Variants in DENND1C observed in about 807,000 individuals in gnomAD.
The protein encoded by DENND1C is DENN domain-containing protein 1C.
In DENND1C, 64 loss-of-function variants were observed where a neutral mutation model predicts 87.9. The ratio of observed to expected loss-of-function variants is 0.73; its 90% confidence interval spans 0.60 to 0.90. The LOEUF (loss-of-function observed/expected upper bound fraction) is 0.90, where lower values mean the gene tolerates loss of function less well. Ranked by LOEUF, DENND1C falls within the 40% of genes least tolerant of loss-of-function variation. The pLI is 0.00. For synonymous variants in DENND1C, 384 were observed against 424.4 expected (o/e 0.90, Z 1.17); for missense variants, 980 against 1,037.0 (o/e 0.95, Z 0.76).
At chr19:6,476,174 C>G (rs965203886) in intron 10 of DENND1C, 1 of 516,376 alleles carries the variant, frequency 1.9e-6, no homozygotes, top group East Asian at 3.4e-5. Context: ...CTGTAAGGGG[C>G]GCAGTTAATA....
chr19:6,475,674 C>A (rs184284563), intron 12 of DENND1C, 32 bp downstream of exon 12: 1 of 1,606,852 alleles, frequency 6.2e-7, no homozygotes, highest in African/African-American at 1.3e-5. Context: ...GGAACCCTCA[C>A]GTCCCCGTCG....
At chr19:6,474,622 G>A (rs907031130) in intron 14 of DENND1C, among the ~76,000 whole-genome samples, 1 of 152,106 alleles carries the variant, frequency 6.6e-6, no homozygotes, top group African/African-American at 2.4e-5. Context: ...TGTCAGGTAC[G>A]ATTCAAAGTG....
chr19:6,476,629 G>A (rs1030869042), intron 10 of DENND1C: 2 of 538,790 alleles, frequency 3.7e-6, no homozygotes, highest in Admixed American at 7.1e-5. Context: ...GCCCATAGTG[G>A]GTGGAGCCTG....
intron 14 of DENND1C, among the ~76,000 whole-genome samples, chr19:6,473,816 G>GGGGGGGGGGGGGGGGGGGGGGGA (rs1231177042): frequency 1.5e-5 from 2 of 131,578 alleles, no homozygotes; most frequent in Non-Finnish European, 3.2e-5. Flanking sequence ...GGGGGGTGGG[G>GGGGGGGGGGGGGGGGGGGGGGGA]GGAGGGAAAT....
Position 6,475,356 on chromosome 19 carries a change from G to A in DENND1C, c.971C>T (p.Pro324Leu). 1 of 1,612,560 alleles carries A rather than the reference G, an allele frequency of 6.2e-7. No homozygotes were observed. The highest frequency in any genetic ancestry group is 8.5e-7 in the Non-Finnish European group (1 of 1,179,264). Residue 324 changes from proline (P) to leucine (L), a missense_variant, in exon 14 of 23, where the codon CCC becomes CTC. Physicochemically the swap from Pro to Leu is moderately conservative, Grantham distance 98. Coordinates refer to ENST00000381480, the MANE Select transcript of DENND1C (RefSeq NM_024898.4). ...RLRLRKVALA[P>L]GEGVSRLFLK... Reference sequence around the variant, plus strand: ...GAAGAGACGGGACACCCCTTCCCCGGGGGCCAGGGCGACCTTCCTGAGCCG... The same window carrying A: ...GAAGAGACGGGACACCCCTTCCCCGAGGGCCAGGGCGACCTTCCTGAGCCG...
At chr19:6,480,408 A>G (rs1400023359) in intron 1 of DENND1C, 1 of 1,151,546 alleles carries the variant, frequency 8.7e-7, no homozygotes, top group Non-Finnish European at 1.1e-6. Flanking sequence ...GAGACTGCAC[A>G]GATATGAAGG....
intron 3 of DENND1C, 28 bp downstream of exon 3, chr19:6,479,831 T>A (rs2092887664): frequency 1.2e-6 from 2 of 1,613,044 alleles, no homozygotes; most frequent in Non-Finnish European, 8.5e-7. Flanking sequence ...GCCCTCGCCC[T>A]GGGGGAGCAA....
rs2092818587 is a variant in DENND1C, at chr19:6,470,010, G to A, written c.1362+285C>T. The A allele has an allele frequency of 1.3e-5, 5 of 397,972 alleles. No homozygotes were observed. The South Asian group carries it at 1.7e-4, about 14-fold the overall frequency. The allele number at this position is 397,972 out of a possible 1,614,324, so 24.7% of individuals were successfully genotyped here. ...AGAACCTGGAATTGTAGCATCCAAGGACAAAAAGAATGTTTGCCAGCAAAT... is the reference window on the plus strand; with the variant it reads ...AGAACCTGGAATTGTAGCATCCAAGAACAAAAAGAATGTTTGCCAGCAAAT... On this transcript the variant is annotated intron_variant, in intron 18 of 22. Coordinates refer to ENST00000381480, the MANE Select transcript of DENND1C (RefSeq NM_024898.4).
intron 5 of DENND1C, 21 bp from the exon 6 acceptor site, chr19:6,478,873 T>G (rs1220808718): frequency 6.2e-7 from 1 of 1,613,738 alleles, no homozygotes; most frequent in Non-Finnish European, 8.5e-7. Context: ...AGGAGACAGG[T>G]TCCACGAAGT....
chr19:6,481,062 C>T (rs922486732), intron 1 of DENND1C, among the ~76,000 whole-genome samples: 8 of 151,820 alleles, frequency 5.3e-5, no homozygotes, highest in Non-Finnish European at 1.0e-4. Flanking sequence ...ATAGAACCCT[C>T]GTGGCTGGTC....
chr19:6,471,563 G>A lies in DENND1C; in HGVS notation c.1159-67C>T, dbSNP rs1421027552. 3 of 1,404,076 alleles carry A rather than the reference G, an allele frequency of 2.1e-6. No individual in the cohort carries two copies. In the African/African-American group the frequency reaches 4.3e-5, roughly 20 times the overall value. The allele number at this position is 1,404,076 out of a possible 1,614,324, so 87.0% of individuals were successfully genotyped here. A position where few individuals can be genotyped will look rare whatever the true frequency, so the allele number is the denominator to read the frequency against. On this transcript the variant is annotated intron_variant, in intron 15 of 22. Transcript: ENST00000381480. ...TCTGAATGCCAGCACTTCGAAGCCT[G>A]CCTGCTGTCAAGATGTAGAAGCCAT... is the stretch of plus-strand genomic sequence containing the variant.
chr19:6,467,341 C>CT lies in DENND1C; in HGVS notation c.*162dup. The CT allele has an allele frequency of 3.2e-6, 3 of 941,826 alleles. No individual in the cohort carries two copies. Among genetic ancestry groups the CT allele is most frequent in the Non-Finnish European group, 4.4e-6 (3 of 684,154 alleles). The allele number at this position is 941,826 out of a possible 1,614,324, so 58.3% of individuals were successfully genotyped here. On this transcript the variant is annotated 3_prime_UTR_variant, in exon 23 of 23. Coordinates refer to ENST00000381480, the MANE Select transcript of DENND1C (RefSeq NM_024898.4). ...CCAGGAGGCTTCCTGGAATTCCCTG[C>CT]TAGGAGCCAGTTAGAGAGGCTGCCC... is the stretch of plus-strand genomic sequence containing the variant.
rs760984417 is a variant in DENND1C at position 6,467,626 on chromosome 19, G to A, written c.2284C>T (p.Leu762Phe). ...GCTCCTGGTTCCTCCCGTGGCTGGA[G>A]GTGAGCGCGCTCTGCCAGCAGGGCT... Reference protein sequence around the residue: ...PKALLAERAHLQPREEPGALN... With the variant: ...PKALLAERAHFQPREEPGALN... The change falls in exon 23 of 23, where the codon CTC becomes TTC. Residue 762 changes from leucine (L) to phenylalanine (F), a missense_variant. By Grantham distance (22) the Leu-to-Phe change is conservative. Transcript: ENST00000381480. 4 of 1,561,420 alleles carry A rather than the reference G, an allele frequency of 2.6e-6. No homozygotes were observed. The Admixed American group carries it at 8.1e-5, about 32-fold the overall frequency.
chr19:6,479,415 A>T (rs187819868), intron 4 of DENND1C, among the ~76,000 whole-genome samples: 34 of 123,422 alleles, frequency 2.8e-4, no homozygotes, highest in African/African-American at 1.5e-3. Context: ...TGAGTCCTTG[A>T]GTCTCTGAGT....
chr19:6,481,463 T>TAGAG (rs4028204), intron 1 of DENND1C, among the ~76,000 whole-genome samples: 1,482 of 147,876 alleles, frequency 0.01, 16 homozygotes, highest in South Asian at 0.051. Context: ...AGGAGCTGGA[T>TAGAG]AGAGAGAGAG....
At chr19:6,471,683 C>G (rs1218604818) in intron 15 of DENND1C, among the ~76,000 whole-genome samples, 187 bp from the exon 16 acceptor site, 5 of 152,144 alleles carry the variant, frequency 3.3e-5, no homozygotes. Context: ...TGCTCTGGCA[C>G]CCAGGCTGGA....
At position 6,468,617 on chromosome 19, in the gene DENND1C, C is replaced by A. The variant is rs890654727; in HGVS notation, c.1544G>T (p.Arg515Leu). The A allele has an allele frequency of 2.0e-6, 3 of 1,505,372 alleles. No homozygotes were observed. The highest frequency in any genetic ancestry group is 2.7e-6 in the Non-Finnish European group (3 of 1,130,952). The allele number at this position is 1,505,372 out of a possible 1,614,324, so 93.3% of individuals were successfully genotyped here. Residue 515 changes from arginine (R) to leucine (L), a missense_variant, in exon 21 of 23, where the codon CGC (arginine) becomes CTC (leucine). By Grantham distance (102) the Arg-to-Leu change is moderately radical (BLOSUM62 -2). Coordinates refer to ENST00000381480, the MANE Select transcript of DENND1C (RefSeq NM_024898.4). ...CTCGGAAGTTCCCTCTTCCAGCTGG[C>A]GTCTCCTGCTGGGGCGAAGGGGCCG... ...KNRPLRPSRR[R>L]QLEEGTSEPP...
At chr19:6,471,885 C>T (rs1322824676) in intron 15 of DENND1C, among the ~76,000 whole-genome samples, 7 of 152,192 alleles carry the variant, frequency 4.6e-5, no homozygotes, top group Non-Finnish European at 7.4e-5. Context: ...TCAGGTGATC[C>T]GTCTGCCTTG....
At chr19:6,481,514 G>A (rs1913565248) in intron 1 of DENND1C, 165 bp downstream of exon 1, 7 of 932,398 alleles carry the variant, frequency 7.5e-6, no homozygotes, top group South Asian at 1.7e-5. Context: ...GCCTGTCCCA[G>A]AGTGAAGGTC....
Sources: allele counts gnomAD v4.1 joint callset (sites outside exome capture counted in the v4.1 genomes callset), GRCh38; gene constraint gnomAD v4.1.1; transcripts MANE v1.5; gene names NCBI Gene and HGNC (gene_info 2026-07-23, HGNC 2026-07-21).